Variants in DPP10 observed in about 807,000 individuals in gnomAD.
The protein encoded by DPP10 is dipeptidyl peptidase like 10.
In DPP10, 33 loss-of-function variants were observed where a neutral mutation model predicts 120.9. The ratio of observed to expected loss-of-function variants is 0.27; its 90% CI spans 0.21 to 0.37. The LOEUF is 0.37. Among genes scored for constraint, DPP10 ranks in the 10% least tolerant of loss-of-function variants. The pLI, the probability that DPP10 is intolerant of heterozygous loss-of-function variation, is 1.00. For missense variants in DPP10, 816 were observed against 942.8 expected, an observed-to-expected ratio of 0.87 and a Z score of 1.76; for synonymous variants, 337 against 326.1, an observed-to-expected ratio of 1.03 and a Z score of -0.36.
intron 3 of DPP10, among the ~76,000 whole-genome samples, chr2:115,378,071 T>A (rs1381720883): frequency 2.0e-5 from 3 of 152,128 alleles, no homozygotes; most frequent in African/African-American, 7.2e-5. Flanking sequence ...TTAAAGTAGT[T>A]TTTTCCAATT....
At chr2:114,950,243 G>A (rs1385043000) in intron 1 of DPP10, among the ~76,000 whole-genome samples, 1 of 148,688 alleles carries the variant, frequency 6.7e-6, no homozygotes, top group Non-Finnish European at 1.5e-5. Context: ...ATGTCAAATT[G>A]CCAAGACAAC....
intron 1 of DPP10, among the ~76,000 whole-genome samples, chr2:115,119,675 C>T (rs2049719769): frequency 6.6e-6 from 1 of 152,112 alleles, no homozygotes; most frequent in African/African-American, 2.4e-5. Context: ...GGGAGAAGGG[C>T]AGGAATTCCA....
chr2:115,298,027 A>G lies in DPP10; in HGVS notation c.61-11212A>G, dbSNP rs192158674. 7.2e-4 allele frequency among the ~76,000 whole-genome samples: 109 copies of G among 152,192 alleles called. 1 individual carries two copies. Among genetic ancestry groups the G allele is most frequent in the Admixed American group, 5.8e-3 (88 of 15,268 alleles). On this transcript the variant is annotated intron_variant, in intron 1 of 25. Transcript: ENST00000410059. Reference sequence around the variant, plus strand: ...TAGCTAGTTATCCGCCAGTCCTCACAATGCTGAAATGCATCCCTCAAGATT... The same window carrying G: ...TAGCTAGTTATCCGCCAGTCCTCACGATGCTGAAATGCATCCCTCAAGATT...
chr2:115,681,846 T>C (rs988766162), intron 5 of DPP10, among the ~76,000 whole-genome samples: 2 of 151,584 alleles, frequency 1.3e-5, no homozygotes, highest in African/African-American at 4.8e-5. Context: ...TTTCTTTTTC[T>C]TTTTTCTTGT....
chr2:115,256,251 T>C (rs970026948), intron 1 of DPP10, among the ~76,000 whole-genome samples: 4 of 151,016 alleles, frequency 2.6e-5, no homozygotes, highest in Admixed American at 6.6e-5. Flanking sequence ...ATTTATAAAA[T>C]CATCAGATCT....
At chr2:115,081,728 C>T (rs1429292238) in intron 1 of DPP10, among the ~76,000 whole-genome samples, 1 of 152,022 alleles carries the variant, frequency 6.6e-6, no homozygotes, top group East Asian at 1.9e-4. Flanking sequence ...AATTGACAAA[C>T]ATTTTTCAAA....
intron 5 of DPP10, among the ~76,000 whole-genome samples, chr2:115,655,258 C>T (rs1052539256): frequency 1.3e-5 from 2 of 151,488 alleles, no homozygotes; most frequent in South Asian, 2.1e-4. Flanking sequence ...TAAGCACAAT[C>T]GAAAGTTTCA....
chr2:114,616,090 A>G (rs763626284), intron 1 of DPP10, among the ~76,000 whole-genome samples: 1 of 152,160 alleles, frequency 6.6e-6, no homozygotes, highest in Non-Finnish European at 1.5e-5. Flanking sequence ...TAGTTTGTCT[A>G]TTAGTAATCT....
intron 5 of DPP10, among the ~76,000 whole-genome samples, chr2:115,546,071 TA>T (rs2079481878): frequency 6.6e-6 from 1 of 152,130 alleles, no homozygotes; most frequent in Admixed American, 6.6e-5. Flanking sequence ...CTGACCCTCT[TA>T]GACTTAAGGT....
intron 1 of DPP10, among the ~76,000 whole-genome samples, chr2:114,924,351 A>C (rs913989205): frequency 3.9e-5 from 6 of 151,964 alleles, no homozygotes; most frequent in African/African-American, 1.5e-4. Context: ...ACATGGCGAA[A>C]CCCCATCTCT....
intron 1 of DPP10, among the ~76,000 whole-genome samples, chr2:114,676,396 C>T (rs1573944754): frequency 6.6e-6 from 1 of 152,122 alleles, no homozygotes; most frequent in African/African-American, 2.4e-5. Context: ...AAAACGAAAA[C>T]TAGCATATCA....
At chr2:115,840,311 GTTTTTTGGTTTTTT>G (rs1213830984) in intron 24 of DPP10, among the ~76,000 whole-genome samples, 3 of 33,242 alleles carry the variant, frequency 9.0e-5, no homozygotes, top group Admixed American at 2.7e-4. Context: ...CAGATATAAG[GTTTTTTGGTTTTTT>G]TTTTTTTTTT....
chr2:114,994,134 A>G (rs1338237937), intron 1 of DPP10, among the ~76,000 whole-genome samples: 1 of 152,170 alleles, frequency 6.6e-6, no homozygotes, highest in Non-Finnish European at 1.5e-5. Context: ...TCTGATGTTA[A>G]TTCACCATAT....
intron 1 of DPP10, among the ~76,000 whole-genome samples, chr2:115,276,112 A>G (rs1393423527): frequency 1.3e-5 from 2 of 152,298 alleles, no homozygotes; most frequent in African/African-American, 2.4e-5. Context: ...GGAGAGAACA[A>G]TTATAGTTCT....
chr2:114,923,636 G>C (rs1695378444), intron 1 of DPP10, among the ~76,000 whole-genome samples: 1 of 151,362 alleles, frequency 6.6e-6, no homozygotes, highest in East Asian at 1.9e-4. Flanking sequence ...CCGCCACCAC[G>C]CCTGGCTAAT....
At chr2:115,177,351 G>A (rs1240273229) in intron 1 of DPP10, among the ~76,000 whole-genome samples, 1 of 152,196 alleles carries the variant, frequency 6.6e-6, no homozygotes, top group Non-Finnish European at 1.5e-5. Flanking sequence ...CGGTTTTTCA[G>A]TAACCTAAGC....
intron 3 of DPP10, among the ~76,000 whole-genome samples, chr2:115,365,699 T>A (rs2065040093): frequency 6.6e-6 from 1 of 152,108 alleles, no homozygotes. Context: ...GAAGTCTGTT[T>A]TAGTTTTTCA....
chr2:115,104,972 C>A (rs1000853177), intron 1 of DPP10, among the ~76,000 whole-genome samples: 9 of 151,618 alleles, frequency 5.9e-5, no homozygotes, highest in African/African-American at 1.9e-4. Flanking sequence ...TGCCACTGGA[C>A]TCCAGCCTGG....
At chr2:115,443,136 G>T (rs2072234288) in intron 3 of DPP10, among the ~76,000 whole-genome samples, 2 of 152,158 alleles carry the variant, frequency 1.3e-5, no homozygotes. Flanking sequence ...GCTAAGTTAT[G>T]AGACAGCCAC....
Sources: allele counts gnomAD v4.1 joint callset (sites outside exome capture counted in the v4.1 genomes callset), GRCh38; gene constraint gnomAD v4.1.1; transcripts MANE v1.5; gene names NCBI Gene and HGNC (gene_info 2026-07-23, HGNC 2026-07-21).